SYNE2: variants seen among roughly 807,000 people sequenced by gnomAD.
The protein encoded by SYNE2 is nesprin-2.
Under a neutral mutation model 856.3 loss-of-function variants are expected in SYNE2, and 431 were observed. The observed-to-expected ratio is 0.50, with a 90% CI of 0.47 to 0.55. SYNE2 has a LOEUF of 0.55. Ranked by LOEUF, SYNE2 falls within the 20% of genes least tolerant of loss-of-function variation. SYNE2 has a pLI of 0.00. For synonymous variants in SYNE2, 2,923 were observed against 2,872.3 expected (o/e 1.02, Z -0.56); for missense variants, 8,129 against 8,023.2 (o/e 1.01, Z -0.50).
chr14:64,113,493 A>G lies in SYNE2; in HGVS notation c.12762A>G (p.Gln4254=). The part of the protein sequence containing the change: ...QVAELELWLQ[Q]ANVAVEPETL... ...CCGAGCTGGAGCTGTGGCTGCAACAAGCCAACGTGGCAGTTGAGCCGGAAA... is the reference window on the plus strand; with the variant it reads ...CCGAGCTGGAGCTGTGGCTGCAACAGGCCAACGTGGCAGTTGAGCCGGAAA... Residue 4254 remains glutamine (Q), a synonymous_variant, in exon 66 of 116, where the codon CAA becomes CAG. Coordinates refer to ENST00000555002, the MANE Select transcript of SYNE2 (RefSeq NM_182914.3). 6.2e-7 allele frequency: 1 copy of G among 1,614,156 alleles called. No individual in the cohort carries two copies. The highest frequency in any genetic ancestry group is 8.5e-7 in the Non-Finnish European group (1 of 1,180,014).
Position 64,141,419 on chromosome 14 carries a change from A to G in SYNE2, c.15055A>G (p.Lys5019Glu). The G allele has an allele frequency of 6.2e-7, 1 of 1,614,100 alleles. No individual in the cohort carries two copies. Residue 5019 changes from lysine (K) to glutamate (E), a missense_variant, in exon 81 of 116, where the codon AAA (lysine) becomes GAA (glutamate). This residue lies in a region of SYNE2 where 5,410 missense variants were observed against 5,284.8 expected (regional missense o/e 1.02). Coordinates refer to ENST00000555002, the MANE Select transcript of SYNE2 (RefSeq NM_182914.3). Reference sequence around the variant, plus strand: ...TATCGGGAACCAGCTTCTTCACCTGAAAGAAACTGATACAGCTACACTGAG... The same window carrying G: ...TATCGGGAACCAGCTTCTTCACCTGGAAGAAACTGATACAGCTACACTGAG... ...ISIGNQLLHL[K>E]ETDTATLRAS...
At chr14:64,063,256 C>T (rs1595240273) in intron 50 of SYNE2, among the ~76,000 whole-genome samples, 1 of 152,184 alleles carries the variant, frequency 6.6e-6, no homozygotes, top group African/African-American at 2.4e-5. Context: ...CAATGTTGAC[C>T]AGGCTGCTCT....
chr14:64,097,595 T>C (rs1213211017), intron 61 of SYNE2, among the ~76,000 whole-genome samples: 1 of 152,250 alleles, frequency 6.6e-6, no homozygotes, highest in Admixed American at 6.5e-5. Context: ...TGGATCCTGG[T>C]TCTCTCAGTC....
intron 109 of SYNE2, 82 bp from the exon 110 acceptor site, chr14:64,219,126 A>AACACCCTGAC: frequency 1.2e-6 from 1 of 816,296 alleles, no homozygotes; most frequent in Non-Finnish European, 1.8e-6. Context: ...TTTTTTTTTA[A>AACACCCTGAC]CCACCCTGAC....
intron 98 of SYNE2, 113 bp downstream of exon 98, chr14:64,188,821 G>A (rs759327936): frequency 8.9e-7 from 1 of 1,129,472 alleles, no homozygotes; most frequent in Non-Finnish European, 1.3e-6. Flanking sequence ...TAGCATTTTA[G>A]AAATTTGAAG....
chr14:64,126,716 A>G lies in SYNE2; in HGVS notation c.13826A>G (p.Asn4609Ser), dbSNP rs751525888. 6.2e-7 allele frequency: 1 copy of G among 1,614,150 alleles called. No individual in the cohort carries two copies. The stretch of plus-strand genomic sequence containing the variant: ...AACTTGCTCCTTGAATGTTTTGACA[A>G]CCTTCAAGTCTGCCTGGAGCACACT... ...NTNLLLECFD[N>S]LQVCLEHTQA... Residue 4609 changes from asparagine to serine, a missense_variant, in exon 73 of 116, where the codon AAC becomes AGC. By Grantham distance (46) the Asn-to-Ser change is conservative. Coordinates refer to ENST00000555002, the MANE Select transcript of SYNE2 (RefSeq NM_182914.3).
At chr14:64,058,976 T>C (rs892778717) in intron 49 of SYNE2, among the ~76,000 whole-genome samples, 2 of 152,130 alleles carry the variant, frequency 1.3e-5, no homozygotes, top group African/African-American at 2.4e-5. Flanking sequence ...AGTATGTCCA[T>C]TGCAGTTTTC....
chr14:63,831,092 C>T (rs1889651756), intron 1 of SYNE2, among the ~76,000 whole-genome samples: 3 of 152,150 alleles, frequency 2.0e-5, no homozygotes, highest in Non-Finnish European at 4.4e-5. Flanking sequence ...CCACCCGCTT[C>T]GGCCTCCTAA....
intron 1 of SYNE2, among the ~76,000 whole-genome samples, chr14:63,877,590 T>G (rs573295046): frequency 8.5e-6 from 1 of 118,218 alleles, no homozygotes; most frequent in Admixed American, 8.5e-5. Context: ...ATGGAATGCT[T>G]CTGAAGATCT....
At chr14:64,125,269 A>T in intron 71 of SYNE2, 59 bp downstream of exon 71, 1 of 1,607,154 alleles carries the variant, frequency 6.2e-7, no homozygotes, top group African/African-American at 1.3e-5. Flanking sequence ...AGGAGATATC[A>T]TCATTGTGAC....
At chr14:64,198,058 TTTTG>T (rs2139842957) in intron 99 of SYNE2, among the ~76,000 whole-genome samples, 1 of 152,332 alleles carries the variant, frequency 6.6e-6, no homozygotes, top group Non-Finnish European at 1.5e-5. Context: ...TACCTAAAAA[TTTTG>T]TTTTTCTGAT....
chr14:63,846,873 A>T (rs1279480909), intron 1 of SYNE2, among the ~76,000 whole-genome samples: 1 of 152,046 alleles, frequency 6.6e-6, no homozygotes, highest in African/African-American at 2.4e-5. Flanking sequence ...TTGGGATTAT[A>T]GGTGTGAACC....
intron 1 of SYNE2, among the ~76,000 whole-genome samples, chr14:63,841,703 T>C (rs973761400): frequency 6.6e-6 from 1 of 152,176 alleles, no homozygotes; most frequent in Admixed American, 6.6e-5. Flanking sequence ...TAGTAAATGA[T>C]ATTTCTGTTT....
chr14:63,933,341 C>T (rs180918897), intron 2 of SYNE2, among the ~76,000 whole-genome samples: 2 of 152,252 alleles, frequency 1.3e-5, no homozygotes, highest in Admixed American at 6.5e-5. Context: ...ACTTAGTAGC[C>T]ATGGTAGTTT....
At chr14:64,215,551 C>A in intron 107 of SYNE2, 197 bp downstream of exon 107, 1 of 654,088 alleles carries the variant, frequency 1.5e-6, no homozygotes, top group Non-Finnish European at 2.7e-6. Flanking sequence ...CAAGCCAGAG[C>A]CGTCTCGATG....
chr14:64,080,698 CA>C lies in SYNE2; in HGVS notation c.11346+64del, dbSNP rs1295484207. On this transcript the variant is annotated intron_variant, in intron 56 of 115. Coordinates refer to ENST00000555002, the MANE Select transcript of SYNE2 (RefSeq NM_182914.3). ...TGGTGGTATTGAGATGGTGTTAAAGCAAAACAATATATTCAGAAACAGTCAG... is the reference window on the plus strand; with the variant it reads ...TGGTGGTATTGAGATGGTGTTAAAGCAAACAATATATTCAGAAACAGTCAG... The C allele has an allele frequency of 2.5e-6, 4 of 1,581,462 alleles. No individual in the cohort carries two copies. The East Asian group carries it at 9.0e-5, about 35-fold the overall frequency.
In SYNE2 at chr14:64,087,733, A is replaced by G. The variant is rs757582379; in HGVS notation, c.11547A>G (p.Glu3849=). ...TACATTCAATCTTTATGGATCTAGA[A>G]GACCTGTCAATAATTTTTGAAACAG... The part of the protein sequence containing the change: ...NLLHSIFMDL[E]DLSIIFETDE... Residue 3849 remains glutamate, a synonymous_variant, in exon 58 of 116, where the codon GAA becomes GAG. Coordinates refer to ENST00000555002, the MANE Select transcript of SYNE2 (RefSeq NM_182914.3). The G allele has an allele frequency of 6.2e-7, 1 of 1,614,188 alleles. No individual in the cohort carries two copies. Among genetic ancestry groups the G allele is most frequent in the Non-Finnish European group, 8.5e-7 (1 of 1,180,022 alleles).
At chr14:64,194,453 C>T (rs547086961) in intron 99 of SYNE2, among the ~76,000 whole-genome samples, 44 of 152,162 alleles carry the variant, frequency 2.9e-4, no homozygotes, top group Admixed American at 5.9e-4. Flanking sequence ...CCACCATGCC[C>T]GGATAGTTGT....
rs563908633 is a variant in SYNE2, at chr14:64,056,565, T to C, written c.10067+299T>C. ...ATAAGTAATAATGATAAAACTAATATCTTTGTACCCAAAAGGACATCGAGT... is the reference window on the plus strand; with the variant it reads ...ATAAGTAATAATGATAAAACTAATACCTTTGTACCCAAAAGGACATCGAGT... On this transcript the variant is annotated intron_variant, in intron 49 of 115. Coordinates refer to ENST00000555002, the MANE Select transcript of SYNE2 (RefSeq NM_182914.3). Among the ~76,000 whole-genome samples, 9 of 152,124 alleles carry C rather than the reference T, an allele frequency of 5.9e-5. No individual in the cohort carries two copies. The East Asian group carries it at 1.7e-3, about 29-fold the overall frequency.
Sources: gnomAD v4.1 joint callset for allele counts (sites outside exome capture counted in the v4.1 genomes callset) on GRCh38, gnomAD v4.1.1 for gene constraint, gnomAD v4.1.1 regional missense constraint, MANE v1.5 for transcripts, NCBI Gene and HGNC (gene_info 2026-07-23, HGNC 2026-07-21) for gene names.